The following ZNF385D variants were observed in gnomAD, a reference collection of about 807,000 sequenced individuals.
ZNF385D encodes the protein zinc finger protein 385D.
A neutral mutation model predicts 35.8 loss-of-function variants in ZNF385D; 15 were observed. That is an observed-to-expected ratio of 0.42 (90% CI 0.28 to 0.64). The LOEUF is 0.64. ZNF385D is among the 30% of genes least tolerant of loss of function. ZNF385D has a pLI of 0.23. For missense variants in ZNF385D, 474 were observed against 494.6 expected (o/e 0.96, Z 0.39); for synonymous variants, 212 against 186.8 (o/e 1.13, Z -1.10).
chr3:21,466,698 A>T lies in ZNF385D; in HGVS notation c.440-29495T>A, dbSNP rs186469594. Among the ~76,000 whole-genome samples, 103 of 152,256 alleles carry T rather than the reference A, an allele frequency of 6.8e-4. 1 individual carries two copies. In the East Asian group the frequency reaches 0.019, roughly 28 times the overall value. On this transcript the variant is annotated intron_variant, in intron 4 of 7. Transcript: ENST00000281523. Reference sequence around the variant, plus strand: ...ATGGCATTCATAAGTCACACAAAAAATTTGTTAAAAAAAATGAAAAGCTAG... The same window carrying T: ...ATGGCATTCATAAGTCACACAAAAATTTTGTTAAAAAAAATGAAAAGCTAG...
intron 3 of ZNF385D, among the ~76,000 whole-genome samples, chr3:22,095,010 C>T (rs1352590630): frequency 6.6e-6 from 1 of 151,912 alleles, no homozygotes; most frequent in African/African-American, 2.4e-5. Context: ...TGGGTTCAAG[C>T]AATCCTCCCA....
At chr3:22,062,210 A>ATTTATT (rs373989842) in intron 3 of ZNF385D, among the ~76,000 whole-genome samples, 4 of 151,844 alleles carry the variant, frequency 2.6e-5, no homozygotes, top group Non-Finnish European at 4.4e-5. Context: ...ACCATGCCTA[A>ATTTATT]TTTATTTTTA....
At chr3:22,079,502 T>A (rs1026486648) in intron 3 of ZNF385D, among the ~76,000 whole-genome samples, 1 of 151,944 alleles carries the variant, frequency 6.6e-6, no homozygotes, top group African/African-American at 2.4e-5. Context: ...ATTTCTGAAG[T>A]GAATTAATGG....
chr3:22,193,323 C>T (rs889834494), intron 2 of ZNF385D, among the ~76,000 whole-genome samples: 5 of 151,972 alleles, frequency 3.3e-5, no homozygotes, highest in Non-Finnish European at 7.4e-5. Flanking sequence ...TGAGCTTAGT[C>T]ATTGTTTGTA....
At chr3:22,127,314 C>G (rs1446292218) in intron 3 of ZNF385D, among the ~76,000 whole-genome samples, 2 of 82,666 alleles carry the variant, frequency 2.4e-5, no homozygotes, top group South Asian at 4.0e-4. Context: ...TTTTCATTTC[C>G]TGCTTTTTTT....
At chr3:21,466,523 T>C (rs1703527698) in intron 4 of ZNF385D, among the ~76,000 whole-genome samples, 1 of 152,154 alleles carries the variant, frequency 6.6e-6, no homozygotes, top group East Asian at 1.9e-4. Context: ...TGCATACTAT[T>C]ACTAAAGCAT....
intron 3 of ZNF385D, among the ~76,000 whole-genome samples, chr3:22,111,942 T>C (rs1702558896): frequency 6.6e-6 from 1 of 152,058 alleles, no homozygotes; most frequent in Non-Finnish European, 1.5e-5. Flanking sequence ...CTTGTCTACT[T>C]CCATCAAATG....
At chr3:21,942,711 C>A (rs1701580732) in intron 3 of ZNF385D, 1 of 152,132 alleles carries the variant, frequency 6.6e-6, no homozygotes, top group South Asian at 2.1e-4. Flanking sequence ...TTTGATATTT[C>A]AAAATGTCAA....
At chr3:21,692,099 ATATAT>A (rs1242404519) in intron 1 of ZNF385D, among the ~76,000 whole-genome samples, 4 of 152,180 alleles carry the variant, frequency 2.6e-5, no homozygotes, top group Non-Finnish European at 5.9e-5. Flanking sequence ...CACTGCACAT[ATATAT>A]TATAATTTGC....
Position 21,879,236 on chromosome 3 carries a change from G to T in ZNF385D, c.326-214208C>A, listed in dbSNP as rs114596054. Among the ~76,000 whole-genome samples the T allele has an allele frequency of 5.0e-3, 755 of 152,042 alleles. 10 individuals carry two copies. Among genetic ancestry groups the T allele is most frequent in the African/African-American group, 0.017 (716 of 41,516 alleles). On this transcript the variant is annotated intron_variant, in intron 3 of 5. Transcript: ENST00000494108. Reference sequence around the variant, plus strand: ...ATGTTCTTTAAGTACAATGAGTTTAGTCCTCTTGACTCCAAAGTGTTTGTT... The same window carrying T: ...ATGTTCTTTAAGTACAATGAGTTTATTCCTCTTGACTCCAAAGTGTTTGTT...
In ZNF385D at chr3:21,646,820, T is replaced by C. The variant is rs2065765375; in HGVS notation, c.165+18066A>G. Among the ~76,000 whole-genome samples, 1 of 152,158 alleles carries C rather than the reference T, an allele frequency of 6.6e-6. No homozygotes were observed. Among genetic ancestry groups the C allele is most frequent in the Non-Finnish European group, 1.5e-5 (1 of 68,034 alleles). Reference sequence around the variant, plus strand: ...ACATTCGGTCACAAATAGAAAGCAATGTTAAGTCCTGGGTTGCTACCTGTA... The same window carrying C: ...ACATTCGGTCACAAATAGAAAGCAACGTTAAGTCCTGGGTTGCTACCTGTA... On this transcript the variant is annotated intron_variant, in intron 2 of 7. Transcript: ENST00000281523. The surrounding 1 kb of genome is among the most constrained non-coding windows in gnomAD (Gnocchi z 4.3).
intron 3 of ZNF385D, among the ~76,000 whole-genome samples, chr3:22,125,356 C>T (rs965723086): frequency 6.6e-6 from 1 of 152,046 alleles, no homozygotes; most frequent in Non-Finnish European, 1.5e-5. Context: ...GTGATTCCTT[C>T]AGTTTTGCTC....
At chr3:22,217,487 G>A (rs1034016225) in intron 2 of ZNF385D, among the ~76,000 whole-genome samples, 8 of 152,094 alleles carry the variant, frequency 5.3e-5, no homozygotes, top group Non-Finnish European at 1.2e-4. Context: ...ACCTCTTAAC[G>A]AATTACCTCT....
chr3:21,527,706 T>C (rs578125158), intron 3 of ZNF385D, among the ~76,000 whole-genome samples: 1 of 151,662 alleles, frequency 6.6e-6, no homozygotes, highest in Non-Finnish European at 1.5e-5. Context: ...CACCAAAACC[T>C]CATGGAGCAG....
At chr3:21,463,743 A>G (rs1027423559) in intron 4 of ZNF385D, among the ~76,000 whole-genome samples, 5 of 152,200 alleles carry the variant, frequency 3.3e-5, no homozygotes, top group African/African-American at 9.7e-5. Flanking sequence ...ACCTCTTCTG[A>G]TCTGCAGCCC....
At chr3:21,835,762 G>C (rs1695291244) in intron 3 of ZNF385D, among the ~76,000 whole-genome samples, 1 of 151,972 alleles carries the variant, frequency 6.6e-6, no homozygotes, top group South Asian at 2.1e-4. Context: ...ATAACTAATG[G>C]TGTGTCATTT....
At chr3:22,298,458 T>TAA (rs1350901347) in intron 2 of ZNF385D, among the ~76,000 whole-genome samples, 1 of 125,000 alleles carries the variant, frequency 8.0e-6, no homozygotes, top group African/African-American at 2.8e-5. Context: ...TATTTATATA[T>TAA]AATATATAAA....
intron 1 of ZNF385D, among the ~76,000 whole-genome samples, chr3:21,689,351 G>C (rs1397445677): frequency 2.6e-5 from 4 of 152,058 alleles, no homozygotes; most frequent in African/African-American, 9.7e-5. Flanking sequence ...GGCAGCATAA[G>C]CTCGATTCAA....
chr3:22,164,951 T>A (rs1380959554), intron 3 of ZNF385D, among the ~76,000 whole-genome samples: 8 of 152,168 alleles, frequency 5.3e-5, no homozygotes, highest in Admixed American at 3.9e-4. Flanking sequence ...AACTTTATGA[T>A]ATTCTGAAAA....
Sources: gnomAD v4.1 joint callset for allele counts (sites outside exome capture counted in the v4.1 genomes callset) on GRCh38, gnomAD v4.1.1 for gene constraint, Gnocchi (gnomAD v3.1) non-coding constraint, MANE v1.5 for transcripts, NCBI Gene and HGNC (gene_info 2026-07-23, HGNC 2026-07-21) for gene names.